The following KLHDC4 variants were observed in gnomAD, a reference collection of about 807,000 sequenced individuals.
KLHDC4 encodes kelch domain-containing protein 4.
In KLHDC4, 90 loss-of-function variants were observed where a neutral mutation model predicts 62.4. That is an observed-to-expected ratio of 1.44 (90% CI 1.22 to 1.72). The LOEUF is 1.72. Ranked by LOEUF, KLHDC4 falls within the 40% of genes most tolerant of loss-of-function variation. KLHDC4 has a pLI of 0.00. For synonymous variants in KLHDC4, 386 were observed against 284.4 expected, an observed-to-expected ratio of 1.36 and a Z score of -3.59; for missense variants, 1,025 against 699.7, an observed-to-expected ratio of 1.47 and a Z score of -5.25.
At position 87,748,677 on chromosome 16, in the gene KLHDC4, C is replaced by G; in HGVS notation, c.502G>C (p.Val168Leu). 1 of 1,613,712 alleles carries G rather than the reference C, an allele frequency of 6.2e-7. No homozygotes were observed. The highest frequency in any genetic ancestry group is 8.5e-7 in the Non-Finnish European group (1 of 1,179,958). ...LHLATKTWEQ[V>L]KSTGGPSGRS... is the part of the protein sequence containing the mutation. ...GCTTCTCATCTGGCTTCTTACTTGA[C>G]TTGTTCCCAGGTCTTGGTGGCCAAA... The change falls in exon 5 of 12, where the codon GTC becomes CTC. Residue 168 changes from valine to leucine, a missense_variant. Physicochemically the swap from Val to Leu is conservative, Grantham distance 32. Transcript: ENST00000270583.
chr16:87,704,916 G>A (rs892802084), downstream of KLHDC4, among the ~76,000 whole-genome samples: 18 of 152,148 alleles, frequency 1.2e-4, no homozygotes, highest in African/African-American at 3.4e-4. Context: ...AGAGCATGGC[G>A]CGCATGGGCG....
intron 9 of KLHDC4, chr16:87,709,981 A>G (rs556358303): frequency 2.0e-4 from 72 of 364,306 alleles, no homozygotes; most frequent in African/African-American, 1.3e-3. Flanking sequence ...CACACAGGGC[A>G]CCAGCCCCAC....
intron 7 of KLHDC4, among the ~76,000 whole-genome samples, 192 bp from the exon 8 acceptor site, chr16:87,714,765 G>T (rs1211653448): frequency 6.6e-6 from 1 of 152,166 alleles, no homozygotes; most frequent in Non-Finnish European, 1.5e-5. Flanking sequence ...CCCCAAATGG[G>T]TCCATCTGAA....
chr16:87,755,618 G>C, intron 3 of KLHDC4: 1 of 223,426 alleles, frequency 4.5e-6, no homozygotes, highest in Non-Finnish European at 9.0e-6. Context: ...CCACAATGGA[G>C]TGCAATGGCG....
At chr16:87,706,578 G>A (rs1013863354), downstream of KLHDC4, among the ~76,000 whole-genome samples, 2 of 152,218 alleles carry the variant, frequency 1.3e-5, no homozygotes, top group African/African-American at 4.8e-5. Context: ...AGTGCCCAGA[G>A]CCTTCCCCTT....
chr16:87,704,709 CAATT>C (rs949908748), downstream of KLHDC4, among the ~76,000 whole-genome samples: 2 of 151,908 alleles, frequency 1.3e-5, no homozygotes, highest in Non-Finnish European at 2.9e-5. Context: ...TGTACCAACT[CAATT>C]AAAAAAAAAA....
chr16:87,723,987 C>G (rs1055626009), intron 7 of KLHDC4, among the ~76,000 whole-genome samples: 1 of 152,208 alleles, frequency 6.6e-6, no homozygotes, highest in Admixed American at 6.5e-5. Flanking sequence ...CAGGCACGCC[C>G]CACCACGCCT....
intron 7 of KLHDC4, among the ~76,000 whole-genome samples, chr16:87,720,105 T>C (rs1002683786): frequency 1.3e-5 from 2 of 152,008 alleles, no homozygotes; most frequent in South Asian, 2.1e-4. Context: ...CGCCGACCCA[T>C]TTCAATCATC....
chr16:87,724,089 C>G lies in KLHDC4; in HGVS notation c.759+2676G>C, dbSNP rs2038924551. On this transcript the variant is annotated intron_variant, in intron 7 of 11. Transcript: ENST00000270583. ...CTGACCTCGAGTGATCCGCCCGACT[C>G]AGCCTCCCAAAGTGCTGGGATTACA... is the stretch of plus-strand genomic sequence containing the variant. Among the ~76,000 whole-genome samples, 7 of 152,294 alleles carry G rather than the reference C, an allele frequency of 4.6e-5. No homozygotes were observed. In the South Asian group the frequency reaches 1.5e-3, roughly 32 times the overall value.
chr16:87,723,745 G>A (rs375389919), intron 7 of KLHDC4, among the ~76,000 whole-genome samples: 2 of 152,276 alleles, frequency 1.3e-5, no homozygotes, highest in Non-Finnish European at 2.9e-5. Context: ...CAGAATGAAC[G>A]TGGATCAGAA....
At chr16:87,738,172 A>G (rs959114174) in intron 5 of KLHDC4, among the ~76,000 whole-genome samples, 1 of 152,184 alleles carries the variant, frequency 6.6e-6, no homozygotes, top group African/African-American at 2.4e-5. Flanking sequence ...CTCAGAGGCC[A>G]GTCACTGTTA....
At chr16:87,718,273 G>A (rs1399054632) in intron 7 of KLHDC4, among the ~76,000 whole-genome samples, 5 of 146,094 alleles carry the variant, frequency 3.4e-5, no homozygotes, top group South Asian at 2.2e-4. Flanking sequence ...CACAAAAACC[G>A]ATTCGCTCTC....
intron 4 of KLHDC4, among the ~76,000 whole-genome samples, chr16:87,752,364 T>C (rs1270525462): frequency 3.6e-5 from 5 of 140,260 alleles, no homozygotes; most frequent in Admixed American, 7.5e-5. Context: ...GGAGACAGAG[T>C]CTCGCTCTGT....
intron 5 of KLHDC4, among the ~76,000 whole-genome samples, chr16:87,739,310 C>G (rs1171139803): frequency 8.6e-6 from 1 of 115,972 alleles, no homozygotes; most frequent in Non-Finnish European, 1.8e-5. Context: ...CACACCAGCA[C>G]CTCATCCATC....
At chr16:87,750,611 T>G (rs1313891299) in intron 4 of KLHDC4, among the ~76,000 whole-genome samples, 1 of 152,020 alleles carries the variant, frequency 6.6e-6, no homozygotes, top group Non-Finnish European at 1.5e-5. Flanking sequence ...TAAATGAGAG[T>G]GCCAACCCGT....
At chr16:87,764,404 C>A (rs1161517288) in intron 1 of KLHDC4, among the ~76,000 whole-genome samples, 1 of 151,976 alleles carries the variant, frequency 6.6e-6, no homozygotes, top group Non-Finnish European at 1.5e-5. Flanking sequence ...AATCCCAGCA[C>A]TTTGGGAGGC....
At chr16:87,726,720 T>TC (rs745354844) in intron 7 of KLHDC4, 45 bp downstream of exon 7, 2 of 1,352,054 alleles carry the variant, frequency 1.5e-6, no homozygotes, top group African/African-American at 3.3e-5. Context: ...GCCTCGCCTG[T>TC]TTCCCGGTCC....
At chr16:87,739,840 G>A (rs2041979220) in intron 5 of KLHDC4, 1 of 152,268 alleles carries the variant, frequency 6.6e-6, no homozygotes, top group East Asian at 1.9e-4. Flanking sequence ...GGGACGGTGG[G>A]GTGTCTGCTA....
At chr16:87,702,155 C>T (rs1047953420) in exon 1 of KLHDC4, 1 of 456,180 alleles carries the variant, frequency 2.2e-6, no homozygotes, top group Admixed American at 2.3e-5. Context: ...GAGATTCCAG[C>T]AGATATGGGT....
Sources: allele counts gnomAD v4.1 joint callset (sites outside exome capture counted in the v4.1 genomes callset), GRCh38; gene constraint gnomAD v4.1.1; transcripts MANE v1.5; gene names NCBI Gene and HGNC (gene_info 2026-07-23, HGNC 2026-07-21).